DGKH: variants seen among roughly 807,000 people sequenced by gnomAD.
DGKH encodes diacylglycerol kinase eta.
DGKH carries 90 observed loss-of-function variants against 159.3 expected under a neutral mutation model. The observed-to-expected ratio is 0.57, with a 90% confidence interval of 0.48 to 0.67. The LOEUF (loss-of-function observed/expected upper bound fraction) is 0.67. DGKH is among the 30% of genes least tolerant of loss of function. The pLI, the probability that DGKH is intolerant of heterozygous loss-of-function variation, is 0.00. For missense variants in DGKH, 1,181 were observed against 1,506.1 expected (o/e 0.78, Z 3.57); for synonymous variants, 536 against 553.8 (o/e 0.97, Z 0.45).
At chr13:42,094,967 A>G (rs1036587213) in intron 1 of DGKH, among the ~76,000 whole-genome samples, 1 of 152,084 alleles carries the variant, frequency 6.6e-6, no homozygotes, top group Non-Finnish European at 1.5e-5. Flanking sequence ...CCCTTGAAAT[A>G]AGGCAAAAAA....
At chr13:42,220,071 G>A (rs1351002937) in intron 28 of DGKH, among the ~76,000 whole-genome samples, 2 of 152,154 alleles carry the variant, frequency 1.3e-5, no homozygotes, top group Non-Finnish European at 2.9e-5. Flanking sequence ...AAATGAAGTG[G>A]TTGCTAATTT....
chr13:42,143,887 G>T lies in DGKH; in HGVS notation c.385-11404G>T, dbSNP rs1466079938. On this transcript the variant is annotated intron_variant, in intron 3 of 29. Coordinates refer to ENST00000337343, the MANE Select transcript of DGKH (RefSeq NM_178009.5). Reference sequence around the variant, plus strand: ...ATTGATTTTTTGAAGGGTTTTTTGTGTCTCTATTTCCTTTAGTTCTGCTCT... The same window carrying T: ...ATTGATTTTTTGAAGGGTTTTTTGTTTCTCTATTTCCTTTAGTTCTGCTCT... 2.6e-5 allele frequency among the ~76,000 whole-genome samples: 4 copies of T among 152,040 alleles called. No individual in the cohort carries two copies. The East Asian group carries it at 7.7e-4, about 29-fold the overall frequency.
chr13:42,097,008 A>C (rs973243000), intron 1 of DGKH, among the ~76,000 whole-genome samples: 7 of 152,216 alleles, frequency 4.6e-5, no homozygotes, highest in Non-Finnish European at 8.8e-5. Flanking sequence ...ACTGAGTTCT[A>C]GCCTCCAGAA....
chr13:42,226,663 G>A (rs1295530381), intron 29 of DGKH, among the ~76,000 whole-genome samples: 1 of 151,894 alleles, frequency 6.6e-6, no homozygotes, highest in Non-Finnish European at 1.5e-5. Context: ...ATATCAGCCT[G>A]GGCAACATAG....
chr13:42,205,664 G>C (rs529327328), intron 20 of DGKH, among the ~76,000 whole-genome samples: 1 of 152,048 alleles, frequency 6.6e-6, no homozygotes, highest in Non-Finnish European at 1.5e-5. Context: ...AGATGGTTAG[G>C]ATCAACTTTC....
chr13:42,148,888 C>T (rs968778269), intron 3 of DGKH, among the ~76,000 whole-genome samples: 2 of 151,856 alleles, frequency 1.3e-5, no homozygotes, highest in African/African-American at 4.8e-5. Flanking sequence ...TCTTCCCCGC[C>T]GACATACACA....
intron 1 of DGKH, among the ~76,000 whole-genome samples, chr13:42,089,819 C>T (rs1954380254): frequency 6.6e-6 from 1 of 151,998 alleles, no homozygotes; most frequent in African/African-American, 2.4e-5. Context: ...TAAAGTATGC[C>T]CAGGTTCTGG....
intron 22 of DGKH, 34 bp downstream of exon 22, chr13:42,209,106 T>G (rs753450720): frequency 6.3e-7 from 1 of 1,577,680 alleles, no homozygotes; most frequent in South Asian, 1.1e-5. Context: ...ACTGCACTTC[T>G]TGGGCTAAGG....
In DGKH at chr13:42,234,700, G is replaced by A. The variant is rs1471113526; in HGVS notation, c.*5512G>A. 5 of 152,150 alleles carry A rather than the reference G, an allele frequency of 3.3e-5. No homozygotes were observed. The highest frequency in any genetic ancestry group is 5.9e-5 in the Non-Finnish European group (4 of 68,034). The allele number at this position is 152,150 out of a possible 1,614,324, so 9.4% of individuals were successfully genotyped here. On this transcript the variant is annotated 3_prime_UTR_variant, in exon 30 of 30. Transcript: ENST00000337343. ...AAAATTCCTCCACTAGTAATTGTTA[G>A]CCAATAGAATAGCCTCCCAGAGCAG...
chr13:42,144,769 A>G (rs1430456237), intron 3 of DGKH, among the ~76,000 whole-genome samples: 1 of 152,218 alleles, frequency 6.6e-6, no homozygotes, highest in Non-Finnish European at 1.5e-5. Context: ...TGGGCTTTAC[A>G]TCCTGTATGA....
At chr13:42,186,819 C>T (rs1956939327) in intron 13 of DGKH, among the ~76,000 whole-genome samples, 1 of 152,114 alleles carries the variant, frequency 6.6e-6, no homozygotes, top group African/African-American at 2.4e-5. Context: ...ACATTAATTA[C>T]TATAATTTAA....
At chr13:42,147,345 T>C in intron 3 of DGKH, among the ~76,000 whole-genome samples, 1 of 152,212 alleles carries the variant, frequency 6.6e-6, no homozygotes, top group East Asian at 1.9e-4. Context: ...TAAAATGGCT[T>C]AAAGTACTTT....
intron 1 of DGKH, among the ~76,000 whole-genome samples, chr13:42,075,114 A>G (rs1354941918): frequency 6.6e-6 from 1 of 152,246 alleles, no homozygotes; most frequent in Non-Finnish European, 1.5e-5. Context: ...GGATTGTTAT[A>G]CAGATTAAAC....
At chr13:42,209,539 A>G in intron 23 of DGKH, 74 bp downstream of exon 23, 1 of 1,412,890 alleles carries the variant, frequency 7.1e-7, no homozygotes, top group Non-Finnish European at 9.4e-7. Flanking sequence ...AAAAAATAGA[A>G]AATGAAAACA....
At position 42,068,582 on chromosome 13, in the gene DGKH, T is replaced by A. The variant is rs138806033; in HGVS notation, c.192+19617T>A. Among the ~76,000 whole-genome samples, 100 of 152,332 alleles carry A rather than the reference T, an allele frequency of 6.6e-4. 1 individual carries two copies. Among genetic ancestry groups the A allele is most frequent in the African/African-American group, 2.2e-3 (92 of 41,574 alleles). Reference sequence around the variant, plus strand: ...AAATGTCTTAGGATAAAAATAGATATTTTCATGCAATTATGTACAGTCTCA... The same window carrying A: ...AAATGTCTTAGGATAAAAATAGATAATTTCATGCAATTATGTACAGTCTCA... On this transcript the variant is annotated intron_variant, in intron 1 of 29. Coordinates refer to ENST00000337343, the MANE Select transcript of DGKH (RefSeq NM_178009.5).
intron 1 of DGKH, among the ~76,000 whole-genome samples, chr13:42,073,717 T>G (rs1253581413): frequency 6.6e-6 from 1 of 152,192 alleles, no homozygotes; most frequent in Non-Finnish European, 1.5e-5. Context: ...CCATTGTAAG[T>G]TGAGGAGCAT....
At chr13:42,153,594 G>C (rs562034933) in intron 3 of DGKH, among the ~76,000 whole-genome samples, 1 of 152,332 alleles carries the variant, frequency 6.6e-6, no homozygotes, top group Admixed American at 6.5e-5. Flanking sequence ...CTGAAATGCT[G>C]TGCCAGTCAT....
chr13:42,248,072 C>T (rs9562388), intron 29 of DGKH, among the ~76,000 whole-genome samples: 57,052 of 152,014 alleles, frequency 0.38, 11,137 homozygotes, highest in East Asian at 0.62. Context: ...CACATTCACT[C>T]GCCATTCACT....
downstream of DGKH, among the ~76,000 whole-genome samples, chr13:42,243,503 G>A (rs1958551408): frequency 6.6e-6 from 1 of 152,190 alleles, no homozygotes; most frequent in Non-Finnish European, 1.5e-5. Flanking sequence ...GTAATGATCT[G>A]TGAATAGCCC....
Sources: allele counts gnomAD v4.1 joint callset (sites outside exome capture counted in the v4.1 genomes callset), GRCh38; gene constraint gnomAD v4.1.1; transcripts MANE v1.5; gene names NCBI Gene and HGNC (gene_info 2026-07-23, HGNC 2026-07-21).